The following BBS4 variants were observed in gnomAD, a reference collection of about 807,000 sequenced individuals.
BBS4 encodes BBSome complex member BBS4.
A neutral mutation model predicts 71.4 loss-of-function variants in BBS4; 58 were observed. The observed-to-expected ratio is 0.81, with a 90% CI of 0.66 to 1.01. The LOEUF is 1.01. Ranked by LOEUF, BBS4 falls within the 50% of genes least tolerant of loss-of-function variation. The pLI, the probability that BBS4 is intolerant of heterozygous loss-of-function variation, is 0.00. For synonymous variants in BBS4, 228 were observed against 216.8 expected, an observed-to-expected ratio of 1.05 and a Z score of -0.46; for missense variants, 660 against 607.9, an observed-to-expected ratio of 1.09 and a Z score of -0.90.
At chr15:72,718,007 C>T (rs1000780436) in intron 6 of BBS4, among the ~76,000 whole-genome samples, 2 of 152,096 alleles carry the variant, frequency 1.3e-5, no homozygotes, top group Admixed American at 6.6e-5. Flanking sequence ...TGCCACCATG[C>T]CCGGCTAATT....
chr15:72,705,587 C>CTT (rs762708438), intron 2 of BBS4, among the ~76,000 whole-genome samples: 42,168 of 86,766 alleles, frequency 0.49, 11,683 homozygotes, highest in Middle Eastern at 0.59. Flanking sequence ...ATGGCTTGTC[C>CTT]TTTTTTTTTT....
chr15:72,708,623 G>T (rs1280277684), intron 2 of BBS4, among the ~76,000 whole-genome samples: 1 of 152,196 alleles, frequency 6.6e-6, no homozygotes. Flanking sequence ...CTGCCTGTGG[G>T]GTTGGGCAAA....
At position 72,716,839 on chromosome 15, in the gene BBS4, C is replaced by G; in HGVS notation, c.394C>G (p.Gln132Glu). Reference sequence around the variant, plus strand: ...ATATAATGAAGCAGCTAAACTCAACCAGAAAGATTGGGTAAGTAGAGAACT... The same window carrying G: ...ATATAATGAAGCAGCTAAACTCAACGAGAAAGATTGGGTAAGTAGAGAACT... ...EVYNEAAKLN[Q>E]KDWEISHNLG... The change falls in exon 6 of 16, where the codon CAG (glutamine) becomes GAG (glutamate). Residue 132 changes from glutamine (Q) to glutamate (E), a missense_variant. By Grantham distance (29) the Gln-to-Glu change is conservative. Coordinates refer to ENST00000268057, the MANE Select transcript of BBS4 (RefSeq NM_033028.5). The G allele has an allele frequency of 6.2e-7, 1 of 1,609,372 alleles. No homozygotes were observed. The highest frequency in any genetic ancestry group is 2.2e-5 in the East Asian group (1 of 44,822).
At chr15:72,709,912 C>A in intron 3 of BBS4, 133 bp downstream of exon 3, 1 of 766,028 alleles carries the variant, frequency 1.3e-6, no homozygotes, top group Non-Finnish European at 2.3e-6. Context: ...ATACTTCATA[C>A]ACTGGTTATC....
At chr15:72,736,238 CTTTT>C (rs35502034) in intron 14 of BBS4, among the ~76,000 whole-genome samples, 54 of 113,458 alleles carry the variant, frequency 4.8e-4, no homozygotes, top group African/African-American at 1.4e-3. Context: ...TTCTATTTCA[CTTTT>C]TTTTTTTTTT....
At chr15:72,711,833 A>G (rs1164256101) in intron 3 of BBS4, among the ~76,000 whole-genome samples, 1 of 151,950 alleles carries the variant, frequency 6.6e-6, no homozygotes, top group Admixed American at 6.5e-5. Context: ...TTTTTTACAT[A>G]TGATTCTTGT....
chr15:72,716,927 C>A, intron 6 of BBS4, 77 bp downstream of exon 6: 1 of 1,059,614 alleles, frequency 9.4e-7, no homozygotes, highest in Non-Finnish European at 1.4e-6. Context: ...TGTCTTATTT[C>A]TGAATTCTTA....
Position 72,731,639 on chromosome 15 carries a change from A to G in BBS4, c.949A>G (p.Met317Val), listed in dbSNP as rs1040768314. The G allele has an allele frequency of 5.6e-6, 9 of 1,614,090 alleles. No homozygotes were observed. The highest frequency in any genetic ancestry group is 7.6e-6 in the Non-Finnish European group (9 of 1,180,050). Residue 317 changes from methionine (M) to valine (V), a missense_variant, in exon 12 of 16, where the codon ATG becomes GTG. Met to Val is a conservative substitution (Grantham distance 21). Coordinates refer to ENST00000268057, the MANE Select transcript of BBS4 (RefSeq NM_033028.5). ...TAATTTGGGCCTTGTCCATTTGACCATGCAGCAGTATGCATCAGCTTTTCA... is the reference window on the plus strand; with the variant it reads ...TAATTTGGGCCTTGTCCATTTGACCGTGCAGCAGTATGCATCAGCTTTTCA... Reference protein sequence around the residue: ...LYNLGLVHLTMQQYASAFHFL... With the variant: ...LYNLGLVHLTVQQYASAFHFL...
intron 2 of BBS4, among the ~76,000 whole-genome samples, chr15:72,701,133 C>T (rs1164814264): frequency 1.3e-5 from 2 of 152,138 alleles, no homozygotes; most frequent in African/African-American, 4.8e-5. Context: ...ATTAACCACC[C>T]CTCCCAAAGG....
chr15:72,727,890 C>A, intron 8 of BBS4, 50 bp from the exon 9 acceptor site: 1 of 1,379,044 alleles, frequency 7.3e-7, no homozygotes, highest in Non-Finnish European at 1.0e-6. Flanking sequence ...CATGTGTCTT[C>A]GTGTTTCTCA....
At chr15:72,714,907 G>A (rs1214566833) in intron 4 of BBS4, among the ~76,000 whole-genome samples, 1 of 152,206 alleles carries the variant, frequency 6.6e-6, no homozygotes, top group Non-Finnish European at 1.5e-5. Context: ...TGCCCCATTT[G>A]GGGGTTCGCT....
intron 7 of BBS4, among the ~76,000 whole-genome samples, chr15:72,723,134 A>T (rs1429369332): frequency 6.6e-6 from 1 of 152,122 alleles, no homozygotes; most frequent in East Asian, 1.9e-4. Flanking sequence ...TTAGAAACAG[A>T]TGCTTAATAA....
At chr15:72,691,895 G>A (rs1479799259) in intron 1 of BBS4, among the ~76,000 whole-genome samples, 1 of 151,706 alleles carries the variant, frequency 6.6e-6, no homozygotes, top group Non-Finnish European at 1.5e-5. Context: ...CCCAGGAGGC[G>A]GAGGTTGCAG....
intron 4 of BBS4, among the ~76,000 whole-genome samples, chr15:72,713,215 C>T (rs758962491): frequency 9.9e-5 from 15 of 151,758 alleles, no homozygotes; most frequent in African/African-American, 1.7e-4. Context: ...TTAAAAACTA[C>T]GATACACACA....
chr15:72,726,839 C>T (rs1856730016), intron 8 of BBS4, among the ~76,000 whole-genome samples: 1 of 152,196 alleles, frequency 6.6e-6, no homozygotes, highest in Admixed American at 6.5e-5. Flanking sequence ...ATACATAAAT[C>T]CCAAGGGGAA....
intron 2 of BBS4, among the ~76,000 whole-genome samples, chr15:72,696,762 A>AT (rs1038914774): frequency 1.9e-4 from 29 of 149,974 alleles, no homozygotes; most frequent in African/African-American, 5.4e-4. Context: ...ATTTTTATGT[A>AT]TTTTTTTTGT....
rs35132058 is a variant in BBS4 at position 72,729,657 on chromosome 15, A to C, written c.684A>C (p.Ala228=). 83 of 1,614,020 alleles carry C rather than the reference A, an allele frequency of 5.1e-5. 1 individual carries two copies. The East Asian group carries it at 1.8e-3, about 36-fold the overall frequency. Residue 228 remains alanine (A), a synonymous_variant, in exon 10 of 16, where the codon GCA becomes GCC. Coordinates refer to ENST00000268057, the MANE Select transcript of BBS4 (RefSeq NM_033028.5). ...YQKAFEHLGN[A]LTYDPTNYKA... ...AGGCATTTGAACATCTTGGCAATGC[A>C]CTGACTTATGACCCTACCAACTACA...
In BBS4 at chr15:72,690,000, C is replaced by T. The variant is rs190847308; in HGVS notation, c.24+3749C>T. On this transcript the variant is annotated intron_variant, in intron 1 of 15. Coordinates refer to ENST00000268057, the MANE Select transcript of BBS4 (RefSeq NM_033028.5). ...TAATTTTTTGTATTTTTAGTAGAGA[C>T]GGGGTTTCACCGTGTTAGCCAGGAT... 1.5e-4 allele frequency among the ~76,000 whole-genome samples: 23 copies of T among 151,980 alleles called. No individual in the cohort carries two copies. The East Asian group carries it at 3.7e-3, about 24-fold the overall frequency.
At chr15:72,714,429 TTG>T (rs1393462352) in intron 4 of BBS4, among the ~76,000 whole-genome samples, 1 of 152,122 alleles carries the variant, frequency 6.6e-6, no homozygotes, top group Non-Finnish European at 1.5e-5. Flanking sequence ...TTTTGCCATA[TTG>T]GCCAGGCTGG....
Sources: gnomAD v4.1 joint callset for allele counts (sites outside exome capture counted in the v4.1 genomes callset) on GRCh38, gnomAD v4.1.1 for gene constraint, MANE v1.5 for transcripts, NCBI Gene and HGNC (gene_info 2026-07-23, HGNC 2026-07-21) for gene names.